BRD4: variants seen among roughly 807,000 people sequenced by gnomAD.
BRD4 encodes bromodomain containing 4.
A neutral mutation model predicts 142.1 loss-of-function variants in BRD4; 16 were observed. The observed-to-expected ratio is 0.11, with a 90% CI of 0.08 to 0.17. BRD4 has a LOEUF of 0.17. BRD4 is among the 10% of genes least tolerant of loss of function. The probability of loss-of-function intolerance (pLI) is 1.00; values close to 1 mark genes in which losing one functional copy is unlikely to be tolerated. For missense variants in BRD4, 1,424 were observed against 1,810.9 expected (o/e 0.79, Z 3.88); for synonymous variants, 833 against 707.5 (o/e 1.18, Z -2.82).
intron 1 of BRD4, among the ~76,000 whole-genome samples, chr19:15,304,721 T>G (rs540761409): frequency 6.6e-6 from 1 of 152,158 alleles, no homozygotes; most frequent in Non-Finnish European, 1.5e-5. Flanking sequence ...GGGCTCAATG[T>G]GTCTGTATGC....
chr19:15,264,269 G>A (rs2047506186), intron 6 of BRD4, 135 bp downstream of exon 6: 3 of 1,259,056 alleles, frequency 2.4e-6, no homozygotes, highest in Middle Eastern at 2.5e-4. Context: ...GAGTTTCTTC[G>A]AGTTGGCGGG....
intron 14 of BRD4, among the ~76,000 whole-genome samples, chr19:15,242,646 T>C (rs1202036756): frequency 2.6e-5 from 4 of 152,130 alleles, no homozygotes; most frequent in East Asian, 1.9e-4. Flanking sequence ...TCACCTAGCA[T>C]TGTCGTGCTC....
intron 11 of BRD4, chr19:15,246,668 G>A (rs2047289687): frequency 6.6e-6 from 1 of 152,176 alleles, no homozygotes; most frequent in South Asian, 2.1e-4. Context: ...TGCAGGCTGT[G>A]AGCAGAGGCC....
chr19:15,254,296 G>A (rs200904670), intron 10 of BRD4, 34 bp from the exon 11 acceptor site: 25 of 1,586,316 alleles, frequency 1.6e-5, no homozygotes, highest in Non-Finnish European at 1.8e-5. Context: ...GGTCAGGCAG[G>A]GCTGTGGCCC....
chr19:15,241,805 CTTTTTTTTTTTT>C (rs906788611), intron 14 of BRD4, among the ~76,000 whole-genome samples: 1 of 104,320 alleles, frequency 9.6e-6, no homozygotes, highest in Admixed American at 1.0e-4. Context: ...TGGCACCTGA[CTTTTTTTTTTTT>C]TTTTTTTTTT....
rs1208558900 is a variant in BRD4, at chr19:15,235,949, C to T, written c.*2428G>A. Reference sequence around the variant, plus strand: ...GGAAGTGTCTGAACAAAACAAGGAACAAAAATGAGTGGGTGGGATGAGATG... The same window carrying T: ...GGAAGTGTCTGAACAAAACAAGGAATAAAAATGAGTGGGTGGGATGAGATG... On this transcript the variant is annotated 3_prime_UTR_variant, in exon 20 of 20. Coordinates refer to ENST00000679869, the MANE Select transcript of BRD4 (RefSeq NM_001379291.1). 2.0e-5 allele frequency: 3 copies of T among 152,172 alleles called. No homozygotes were observed. Among genetic ancestry groups the T allele is most frequent in the African/African-American group, 7.2e-5 (3 of 41,436 alleles). The allele number at this position is 152,172 out of a possible 1,614,324, so 9.4% of individuals were successfully genotyped here.
At chr19:15,309,832 A>AC (rs2047950943) in intron 1 of BRD4, among the ~76,000 whole-genome samples, 1 of 152,118 alleles carries the variant, frequency 6.6e-6, no homozygotes, top group South Asian at 2.1e-4. Flanking sequence ...GAGGTACTGT[A>AC]CCCAAGAATC....
intron 1 of BRD4, among the ~76,000 whole-genome samples, chr19:15,317,636 G>A (rs1021535778): frequency 6.6e-6 from 1 of 152,038 alleles, no homozygotes; most frequent in South Asian, 2.1e-4. Flanking sequence ...GGTGGTGGTG[G>A]TGGTGGTCAG....
rs554039386 is a variant in BRD4 at position 15,251,350 on chromosome 19, G to A, written c.2158+2802C>T. On this transcript the variant is annotated intron_variant, in intron 11 of 19. Coordinates refer to ENST00000679869, the MANE Select transcript of BRD4 (RefSeq NM_001379291.1). The stretch of plus-strand genomic sequence containing the variant: ...TTCTGGTGATTCATGTCTCAGGGCC[G>A]TTGTCAGCGGAACTAACCCCGTAGT... 8.8e-5 allele frequency among the ~76,000 whole-genome samples: 13 copies of A among 148,012 alleles called. No homozygotes were observed. The South Asian group carries it at 2.1e-3, about 24-fold the overall frequency.
At chr19:15,295,724 AC>A (rs1331759183) in intron 1 of BRD4, among the ~76,000 whole-genome samples, 1 of 152,212 alleles carries the variant, frequency 6.6e-6, no homozygotes, top group Admixed American at 6.5e-5. Context: ...TAATCGCAGC[AC>A]TTTGGGAGGC....
Position 15,237,101 on chromosome 19 carries a change from C to G in BRD4, c.*1276G>C. On this transcript the variant is annotated 3_prime_UTR_variant, in exon 20 of 20. Transcript: ENST00000679869. ...CAGGTAGGGGAGTCTCTGCCTTAGT[C>G]TGTGGCGCCCCCAGGGCCCGGTTCC... 4.8e-6 allele frequency: 1 copy of G among 208,684 alleles called. No homozygotes were observed. The highest frequency in any genetic ancestry group is 7.1e-5 in the East Asian group (1 of 14,054). The allele number at this position is 208,684 out of a possible 1,614,324, so 12.9% of individuals were successfully genotyped here.
At chr19:15,331,356 G>A (rs753845097) in intron 1 of BRD4, among the ~76,000 whole-genome samples, 1 of 152,108 alleles carries the variant, frequency 6.6e-6, no homozygotes, top group Non-Finnish European at 1.5e-5. Context: ...GGGAGGAGGG[G>A]GATCATTTTA....
Position 15,286,624 on chromosome 19 carries a change from A to G in BRD4, c.-34-13491T>C, listed in dbSNP as rs570815951. Among the ~76,000 whole-genome samples, 6 of 152,302 alleles carry G rather than the reference A, an allele frequency of 3.9e-5. No individual in the cohort carries two copies. In the South Asian group the frequency reaches 1.0e-3, roughly 26 times the overall value. ...CTAAATCTGTGAAATCTAAGTGTGC[A>G]TGCCCCACAGTCACAGCACAATTCA... is the stretch of plus-strand genomic sequence containing the variant. On this transcript the variant is annotated intron_variant, in intron 1 of 19. Transcript: ENST00000679869.
chr19:15,244,100 C>T, intron 13 of BRD4, 131 bp downstream of exon 13: 6 of 1,496,020 alleles, frequency 4.0e-6, no homozygotes, highest in Non-Finnish European at 5.4e-6. Context: ...CCTCGAGAAG[C>T]CACAGATCTT....
chr19:15,305,096 A>G (rs2047902806), intron 1 of BRD4, among the ~76,000 whole-genome samples: 1 of 142,374 alleles, frequency 7.0e-6, no homozygotes, highest in Admixed American at 7.5e-5. Flanking sequence ...TCAGCACACC[A>G]CAACCTCCAC....
intron 1 of BRD4, among the ~76,000 whole-genome samples, chr19:15,324,710 C>G (rs574990098): frequency 3.9e-5 from 6 of 152,300 alleles, no homozygotes; most frequent in African/African-American, 1.4e-4. Context: ...GTTCAGATAA[C>G]CAGGTTTTCA....
At chr19:15,264,180 G>C (rs552715257) in intron 6 of BRD4, 2 of 551,978 alleles carry the variant, frequency 3.6e-6, no homozygotes, top group South Asian at 5.6e-5. Flanking sequence ...TAGGGGAAGG[G>C]GCAGCACAGG....
chr19:15,322,916 G>A (rs1315285903), intron 1 of BRD4, among the ~76,000 whole-genome samples: 3 of 150,346 alleles, frequency 2.0e-5, no homozygotes, highest in Admixed American at 2.0e-4. Flanking sequence ...CGGGTGTGGT[G>A]GTGGGCGCCT....
intron 1 of BRD4, among the ~76,000 whole-genome samples, chr19:15,301,402 A>T (rs369698745): frequency 3.9e-5 from 6 of 152,196 alleles, no homozygotes; most frequent in African/African-American, 1.4e-4. Flanking sequence ...CTCTACTAAA[A>T]ATACAAAAAT....
Sources: gnomAD v4.1 joint callset for allele counts (sites outside exome capture counted in the v4.1 genomes callset) on GRCh38, gnomAD v4.1.1 for gene constraint, MANE v1.5 for transcripts, NCBI Gene and HGNC (gene_info 2026-07-23, HGNC 2026-07-21) for gene names.